Variants in CRB1 observed in about 807,000 individuals in gnomAD.
CRB1 encodes the protein protein crumbs homolog 1.
Under a neutral mutation model 120.0 loss-of-function variants are expected in CRB1, and 83 were observed. The observed-to-expected ratio is 0.69, with a 90% confidence interval of 0.58 to 0.83. CRB1 has a LOEUF of 0.83. Ranked by LOEUF, CRB1 falls within the 40% of genes least tolerant of loss-of-function variation. The pLI, the probability that CRB1 is intolerant of heterozygous loss-of-function variation, is 0.00. For synonymous variants in CRB1, 625 were observed against 612.5 expected, an observed-to-expected ratio of 1.02 and a Z score of -0.30; for missense variants, 1,699 against 1,687.6, an observed-to-expected ratio of 1.01 and a Z score of -0.12.
At chr1:197,210,629 C>T in the CRB1 span, among the ~76,000 whole-genome samples, 1 of 151,880 alleles carries the variant, frequency 6.6e-6, no homozygotes, top group African/African-American at 2.4e-5. Flanking sequence ...ATTGCTTCTG[C>T]TTGTCTGGAA....
intron 1 of CRB1, among the ~76,000 whole-genome samples, chr1:197,271,709 G>A (rs1336532687): frequency 6.6e-6 from 1 of 152,124 alleles, no homozygotes; most frequent in Non-Finnish European, 1.5e-5. Context: ...AATAATAACA[G>A]TACTTTATAA....
chr1:197,380,062 G>A (rs375317879), intron 5 of CRB1, among the ~76,000 whole-genome samples: 61 of 152,100 alleles, frequency 4.0e-4, no homozygotes, highest in Middle Eastern at 3.4e-3. Flanking sequence ...TTAATACGTC[G>A]AAAAAGAGGC....
At chr1:197,251,476 ATATT>A in the CRB1 span, among the ~76,000 whole-genome samples, 3 of 152,008 alleles carry the variant, frequency 2.0e-5, no homozygotes, top group Non-Finnish European at 4.4e-5. Context: ...TAATTATTAA[ATATT>A]TATTTAATGA....
chr1:197,233,513 A>C, the CRB1 span, among the ~76,000 whole-genome samples: 3 of 152,190 alleles, frequency 2.0e-5, no homozygotes, highest in South Asian at 4.1e-4. Context: ...CCTCACCTTC[A>C]GCTGTTCAAG....
At chr1:197,209,787 A>G in the CRB1 span, among the ~76,000 whole-genome samples, 23 of 152,304 alleles carry the variant, frequency 1.5e-4, no homozygotes, top group Non-Finnish European at 2.4e-4. Context: ...TATTTCGCTC[A>G]GCTCTCTAAA....
chr1:197,353,444 C>T lies in CRB1; in HGVS notation c.989-3387C>T, dbSNP rs533232609. ...ATAATTCTCAACTGTAAATTGTTTC[C>T]AAAACATTTCTCAGCAGAGTTAAAT... On this transcript the variant is annotated intron_variant, in intron 4 of 11. Transcript: ENST00000367400. 4.6e-5 allele frequency among the ~76,000 whole-genome samples: 7 copies of T among 152,166 alleles called. No individual in the cohort carries two copies. The South Asian group carries it at 1.5e-3, about 32-fold the overall frequency.
chr1:197,368,236 T>C (rs1463338602), intron 5 of CRB1, among the ~76,000 whole-genome samples: 4 of 152,170 alleles, frequency 2.6e-5, no homozygotes, highest in Non-Finnish European at 4.4e-5. Context: ...AATTTCAAAT[T>C]TGAGAATATA....
At chr1:197,393,732 T>C (rs1247271974) in intron 5 of CRB1, among the ~76,000 whole-genome samples, 1 of 152,146 alleles carries the variant, frequency 6.6e-6, no homozygotes, top group African/African-American at 2.4e-5. Context: ...TAGCCCACTA[T>C]AACCTCTGCT....
intron 1 of CRB1, among the ~76,000 whole-genome samples, chr1:197,283,235 A>C (rs1655632895): frequency 6.6e-6 from 1 of 151,224 alleles, no homozygotes; most frequent in African/African-American, 2.4e-5. Flanking sequence ...ACATTTTAGA[A>C]TTTTTTTTTC....
the CRB1 span, among the ~76,000 whole-genome samples, chr1:197,228,736 A>G: frequency 3.4e-4 from 52 of 152,080 alleles, no homozygotes; most frequent in Non-Finnish European, 1.5e-4. Context: ...TGGTACCAAT[A>G]TACTGTATTA....
At chr1:197,304,827 C>G (rs1657071234) in intron 1 of CRB1, among the ~76,000 whole-genome samples, 1 of 152,194 alleles carries the variant, frequency 6.6e-6, no homozygotes. Context: ...GCCAATCCTA[C>G]CCATTCACCA....
At chr1:197,318,917 C>T (rs555872862) in intron 1 of CRB1, among the ~76,000 whole-genome samples, 1 of 152,138 alleles carries the variant, frequency 6.6e-6, no homozygotes, top group African/African-American at 2.4e-5. Flanking sequence ...TTCTGGTGTT[C>T]TGTTGAATAG....
rs754810781 is a variant in CRB1, at chr1:197,328,642, A to T, written c.291A>T (p.Lys97Asn). The T allele has an allele frequency of 6.2e-7, 1 of 1,614,164 alleles. No homozygotes were observed. Among genetic ancestry groups the T allele is most frequent in the Non-Finnish European group, 8.5e-7 (1 of 1,180,008 alleles). ...CAGGAGAAAGGAGCTTTCTGTGCAA[A>T]TGTCCTCCTGGGTACAGTGGGACAA... ...NTPGERSFLC[K>N]CPPGYSGTIC... is the part of the protein sequence containing the mutation. Residue 97 changes from lysine (K) to asparagine (N), a missense_variant, in exon 2 of 12, where the codon AAA (lysine) becomes AAT (asparagine). Transcript: ENST00000367400.
At chr1:197,346,912 C>A (rs542778238) in intron 3 of CRB1, among the ~76,000 whole-genome samples, 40 of 152,268 alleles carry the variant, frequency 2.6e-4, no homozygotes, top group African/African-American at 9.1e-4. Flanking sequence ...CTCTGTATAA[C>A]AGAGTGCCAT....
chr1:197,271,530 T>G (rs1434461279), intron 1 of CRB1, among the ~76,000 whole-genome samples: 1 of 152,180 alleles, frequency 6.6e-6, no homozygotes, highest in African/African-American at 2.4e-5. Context: ...GAATTTGTCC[T>G]GATTGTTTTT....
At chr1:197,455,714 A>T (rs749509492) in intron 11 of CRB1, among the ~76,000 whole-genome samples, 5 of 152,126 alleles carry the variant, frequency 3.3e-5, no homozygotes, top group African/African-American at 7.2e-5. Flanking sequence ...GTTTCTACTT[A>T]AAACTTCCAT....
Position 197,442,252 on chromosome 1 carries a change from T to C in CRB1, c.3965T>C (p.Leu1322Pro), listed in dbSNP as rs1284480473. ...GACTTACTCAACAAATTCCAGTGCC[T>C]CTGTGATGTTGCCTTTGCTGGCGAG... The part of the protein sequence containing the change: ...CQDLLNKFQC[L>P]CDVAFAGERC... The change falls in exon 11 of 12, where the codon CTC becomes CCC. Residue 1322 changes from leucine to proline, a missense_variant. Leu to Pro is a moderately conservative substitution (Grantham distance 98). Transcript: ENST00000367400. 6.2e-7 allele frequency: 1 copy of C among 1,614,100 alleles called. No homozygotes were observed. The highest frequency in any genetic ancestry group is 1.3e-5 in the African/African-American group (1 of 74,928).
chr1:197,366,803 T>C (rs1661102402), intron 5 of CRB1, among the ~76,000 whole-genome samples: 1 of 152,220 alleles, frequency 6.6e-6, no homozygotes, highest in Non-Finnish European at 1.5e-5. Flanking sequence ...AAGTCTCATT[T>C]GGTAAGGTAA....
chr1:197,293,861 T>C (rs1461065774), intron 1 of CRB1, among the ~76,000 whole-genome samples: 1 of 152,182 alleles, frequency 6.6e-6, no homozygotes, highest in African/African-American at 2.4e-5. Context: ...GCTAGCCATA[T>C]GTAGAAAGCT....
Sources: allele counts gnomAD v4.1 joint callset (sites outside exome capture counted in the v4.1 genomes callset), GRCh38; gene constraint gnomAD v4.1.1; transcripts MANE v1.5; gene names NCBI Gene and HGNC (gene_info 2026-07-23, HGNC 2026-07-21).